SCARA5: variants seen among roughly 807,000 people sequenced by gnomAD.
SCARA5 encodes scavenger receptor class A, member 5 (putative).
A neutral mutation model predicts 46.3 loss-of-function variants in SCARA5; 45 were observed. That is an observed-to-expected ratio of 0.97 (90% CI 0.76 to 1.24). SCARA5 has a LOEUF of 1.24. SCARA5 is among the 50% of genes most tolerant of loss of function. SCARA5 has a pLI of 0.00. For missense variants in SCARA5, 680 were observed against 689.0 expected, an observed-to-expected ratio of 0.99 and a Z score of 0.15; for synonymous variants, 333 against 306.5, an observed-to-expected ratio of 1.09 and a Z score of -0.90.
At chr8:27,899,141 T>G (rs1325612200) in intron 7 of SCARA5, among the ~76,000 whole-genome samples, 1 of 152,224 alleles carries the variant, frequency 6.6e-6, no homozygotes, top group Non-Finnish European at 1.5e-5. Flanking sequence ...GCTTATATGT[T>G]CTGGAAGCTT....
chr8:27,925,699 C>A lies in SCARA5; in HGVS notation c.242-3454G>T, dbSNP rs1807669324. On this transcript the variant is annotated intron_variant, in intron 3 of 8. Coordinates refer to ENST00000354914, the MANE Select transcript of SCARA5 (RefSeq NM_173833.6). ...GAGAACATTTTTGCAATCTACTCAT[C>A]TGACAAAGGGCTAATATCCAGAATC... 2.0e-5 allele frequency among the ~76,000 whole-genome samples: 3 copies of A among 152,286 alleles called. No individual in the cohort carries two copies. In the South Asian group the frequency reaches 6.2e-4, roughly 32 times the overall value.
rs1224026831 is a variant in SCARA5 at position 27,892,605 on chromosome 8, C to CTTTTTT, written c.1153+12172_1153+12173insAAAAAA. On this transcript the variant is annotated intron_variant, in intron 7 of 8. Transcript: ENST00000354914. ...CAGAAGTGACCTCTCCATACCTCACCCTTTTTTTTTTTTTTTTTTTTTGAG... is the reference window on the plus strand; with the variant it reads ...CAGAAGTGACCTCTCCATACCTCACCTTTTTTCTTTTTTTTTTTTTTTTTTTTTGAG... 1.3e-3 allele frequency among the ~76,000 whole-genome samples: 154 copies of CTTTTTT among 119,792 alleles called. 5 individuals carry two copies. The highest frequency in any genetic ancestry group is 2.0e-3 in the Non-Finnish European group (110 of 54,216). The allele number at this position is 119,792 out of a possible 152,430, so 78.6% of individuals were successfully genotyped here.
chr8:27,890,315 G>GA (rs1181225866), intron 7 of SCARA5, among the ~76,000 whole-genome samples: 1 of 152,230 alleles, frequency 6.6e-6, no homozygotes, highest in African/African-American at 2.4e-5. Context: ...AATACAGAGA[G>GA]AAGACAGTTT....
chr8:27,909,627 T>G, intron 5 of SCARA5, 36 bp downstream of exon 5: 1 of 1,409,488 alleles, frequency 7.1e-7, no homozygotes, highest in Non-Finnish European at 9.8e-7. Context: ...GGATTGGGGA[T>G]CTCTCCCAGG....
chr8:27,950,967 C>T (rs1420313508), intron 3 of SCARA5, among the ~76,000 whole-genome samples: 2 of 151,834 alleles, frequency 1.3e-5, no homozygotes, highest in Non-Finnish European at 2.9e-5. Flanking sequence ...CACAGGGACT[C>T]ACCCCTTCTC....
chr8:27,886,870 A>G (rs1238365719), intron 7 of SCARA5, among the ~76,000 whole-genome samples: 1 of 152,168 alleles, frequency 6.6e-6, no homozygotes, highest in Non-Finnish European at 1.5e-5. Context: ...AGGCAGCCTC[A>G]GCCTGGTCCG....
At chr8:27,965,994 G>C (rs1808363121) in intron 3 of SCARA5, among the ~76,000 whole-genome samples, 1 of 152,192 alleles carries the variant, frequency 6.6e-6, no homozygotes, top group African/African-American at 2.4e-5. Flanking sequence ...TCTACCTACA[G>C]TAACTGCAAA....
At chr8:27,958,987 C>A (rs377724328) in intron 3 of SCARA5, among the ~76,000 whole-genome samples, 1 of 152,248 alleles carries the variant, frequency 6.6e-6, no homozygotes, top group East Asian at 1.9e-4. Context: ...AATCCCAGCA[C>A]GTTGGGAGGC....
At chr8:27,971,809 G>A (rs1220189617) in intron 2 of SCARA5, among the ~76,000 whole-genome samples, 6 of 150,058 alleles carry the variant, frequency 4.0e-5, no homozygotes, top group African/African-American at 1.5e-4. Context: ...GGAGCACGTG[G>A]CTGCTTGATG....
chr8:27,949,836 G>T lies in SCARA5; in HGVS notation c.241+16578C>A, dbSNP rs76592871. Among the ~76,000 whole-genome samples the T allele has an allele frequency of 2.1e-3, 322 of 152,344 alleles. 3 individuals carry two copies. Among genetic ancestry groups the T allele is most frequent in the African/African-American group, 7.6e-3 (315 of 41,586 alleles). On this transcript the variant is annotated intron_variant, in intron 3 of 8. Transcript: ENST00000354914. ...GGACATGGGTCTGGCTCCTGAAGAG[G>T]CCCTGCAGGTTGCAGTGGGGTGGGA...
intron 3 of SCARA5, among the ~76,000 whole-genome samples, chr8:27,948,109 A>C (rs1808066280): frequency 6.6e-6 from 1 of 152,156 alleles, no homozygotes; most frequent in African/African-American, 2.4e-5. Context: ...ACACTTAAAA[A>C]TGGTTAAAAT....
intron 4 of SCARA5, among the ~76,000 whole-genome samples, chr8:27,912,967 G>C (rs1368741717): frequency 6.6e-6 from 1 of 152,206 alleles, no homozygotes; most frequent in Non-Finnish European, 1.5e-5. Context: ...ATGATGACTA[G>C]AGAAGGGCTT....
chr8:27,980,715 G>A (rs58071164), intron 2 of SCARA5, among the ~76,000 whole-genome samples: 1 of 152,170 alleles, frequency 6.6e-6, no homozygotes, highest in Non-Finnish European at 1.5e-5. Flanking sequence ...TGGGAGCAAA[G>A]TGCCTCCAAT....
intron 2 of SCARA5, among the ~76,000 whole-genome samples, chr8:27,969,316 A>AT (rs1563541657): frequency 6.6e-6 from 1 of 152,222 alleles, no homozygotes; most frequent in Admixed American, 6.5e-5. Flanking sequence ...GTTAAAAATA[A>AT]TTTTTTTAAA....
At chr8:27,918,790 G>C (rs1371595486) in intron 4 of SCARA5, among the ~76,000 whole-genome samples, 1 of 149,818 alleles carries the variant, frequency 6.7e-6, no homozygotes, top group Non-Finnish European at 1.5e-5. Flanking sequence ...AGGAAGAGGA[G>C]AAAGAGGAGG....
At chr8:27,879,833 T>A in intron 7 of SCARA5, 67 bp from the exon 8 acceptor site, 1 of 1,496,162 alleles carries the variant, frequency 6.7e-7, no homozygotes, top group Non-Finnish European at 9.2e-7. Context: ...AGGGGCCTTC[T>A]TTGACTCCGC....
chr8:27,897,221 G>T (rs1455510671), intron 7 of SCARA5, among the ~76,000 whole-genome samples: 2 of 152,166 alleles, frequency 1.3e-5, no homozygotes, highest in East Asian at 3.9e-4. Flanking sequence ...GGGCTGTGAA[G>T]TTCATGTAGT....
intron 3 of SCARA5, among the ~76,000 whole-genome samples, chr8:27,944,188 A>G (rs1807996701): frequency 6.6e-6 from 1 of 152,224 alleles, no homozygotes. Context: ...TGAAAACCAC[A>G]TGTATATTCT....
At chr8:27,963,042 C>T (rs200594212) in intron 3 of SCARA5, among the ~76,000 whole-genome samples, 3 of 152,294 alleles carry the variant, frequency 2.0e-5, no homozygotes, top group East Asian at 1.9e-4. Context: ...GCTGCAGCCT[C>T]ACCCCACATT....
Sources: gnomAD v4.1 joint callset for allele counts (sites outside exome capture counted in the v4.1 genomes callset) on GRCh38, gnomAD v4.1.1 for gene constraint, MANE v1.5 for transcripts, NCBI Gene and HGNC (gene_info 2026-07-23, HGNC 2026-07-21) for gene names.